COL5A1: variants seen among roughly 807,000 people sequenced by gnomAD.
The protein encoded by COL5A1 is collagen type V alpha 1 chain.
COL5A1 carries 16 observed loss-of-function variants against 263.7 expected under a neutral mutation model. The ratio of observed to expected loss-of-function variants is 0.06; its 90% confidence interval spans 0.04 to 0.09. COL5A1 has a LOEUF of 0.09. Among genes scored for constraint, COL5A1 ranks in the 10% least tolerant of loss-of-function variants. The probability of loss-of-function intolerance (pLI) is 1.00; values close to 1 mark genes in which losing one functional copy is unlikely to be tolerated. For missense variants in COL5A1, 2,036 were observed against 2,540.5 expected (o/e 0.80, Z 4.27); for synonymous variants, 1,012 against 1,004.5 (o/e 1.01, Z -0.14).
chr9:134,649,844 T>G (rs184678109), intron 1 of COL5A1, among the ~76,000 whole-genome samples: 50 of 152,292 alleles, frequency 3.3e-4, no homozygotes, highest in Non-Finnish European at 5.4e-4. Context: ...CATGGAATAC[T>G]ATGCAGCCAT....
intron 1 of COL5A1, among the ~76,000 whole-genome samples, chr9:134,688,079 G>A (rs886736305): frequency 6.6e-6 from 1 of 152,152 alleles, no homozygotes; most frequent in Non-Finnish European, 1.5e-5. Flanking sequence ...AGTACTTAAT[G>A]TTTTCCTCTG....
rs926616481 is a variant in COL5A1, at chr9:134,757,603, C to T, written c.1882-640C>T. On this transcript the variant is annotated intron_variant, in intron 17 of 65. Transcript: ENST00000371817. The surrounding 1 kb of genome is among the most constrained non-coding windows in gnomAD (Gnocchi z 6.2). ...GGTGGCCTGGGGTGACAGGAGGAAA[C>T]GCAGTCTTGTTGACTCTGTCTCAGA... Among the ~76,000 whole-genome samples, 22 of 152,126 alleles carry T rather than the reference C, an allele frequency of 1.4e-4. No individual in the cohort carries two copies. The highest frequency in any genetic ancestry group is 4.6e-4 in the African/African-American group (19 of 41,424).
At chr9:134,683,568 A>G (rs1216687284) in intron 1 of COL5A1, among the ~76,000 whole-genome samples, 1 of 152,238 alleles carries the variant, frequency 6.6e-6, no homozygotes, top group East Asian at 1.9e-4. Flanking sequence ...GTCTCTCTGC[A>G]TCCTCTTACA....
rs1833077249 is a variant in COL5A1, at chr9:134,686,285, G to A, written c.110-4627G>A. On this transcript the variant is annotated intron_variant, in intron 1 of 65. Coordinates refer to ENST00000371817, the MANE Select transcript of COL5A1 (RefSeq NM_000093.5). This position sits in a 1 kb window ranked among gnomAD's most constrained non-coding sequence, Gnocchi z 4.6. ...TTCCTTTTTTTCGAGACCAGGTTAT[G>A]CTCTGTCACCCAAGCTGGAGTGCAG... Among the ~76,000 whole-genome samples, 1 of 151,070 alleles carries A rather than the reference G, an allele frequency of 6.6e-6. No homozygotes were observed. The highest frequency in any genetic ancestry group is 2.1e-4 in the South Asian group (1 of 4,736).
intron 2 of COL5A1, among the ~76,000 whole-genome samples, 159 bp from the exon 3 acceptor site, chr9:134,699,750 G>A (rs780397358): frequency 1.3e-5 from 2 of 152,212 alleles, no homozygotes; most frequent in Admixed American, 6.5e-5. Flanking sequence ...GGCTGCAGGA[G>A]CAGTTTGATC....
chr9:134,668,954 CCCATCCATCCAT>C (rs760262319), intron 1 of COL5A1, among the ~76,000 whole-genome samples: 4 of 110,396 alleles, frequency 3.6e-5, no homozygotes, highest in East Asian at 2.7e-4. Context: ...CACCCACCCA[CCCATCCATCCAT>C]CCATCCATCC....
At chr9:134,669,485 G>C (rs1301087573) in intron 1 of COL5A1, among the ~76,000 whole-genome samples, 2 of 151,828 alleles carry the variant, frequency 1.3e-5, no homozygotes, top group African/African-American at 4.8e-5. Flanking sequence ...TTTGTGTTAG[G>C]GTGGTTTACG....
intron 25 of COL5A1, among the ~76,000 whole-genome samples, chr9:134,772,157 G>C (rs566802353): frequency 6.6e-6 from 1 of 152,262 alleles, no homozygotes; most frequent in East Asian, 1.9e-4. Context: ...TCTCAAACGA[G>C]GCAGCTGTTT....
intron 65 of COL5A1, among the ~76,000 whole-genome samples, chr9:134,838,295 C>T (rs1839912699): frequency 6.6e-6 from 1 of 152,200 alleles, no homozygotes; most frequent in Non-Finnish European, 1.5e-5. Flanking sequence ...ACACATCTCC[C>T]AGGGGCAAAA....
chr9:134,769,747 A>C (rs1022236857), intron 25 of COL5A1, among the ~76,000 whole-genome samples: 1 of 149,064 alleles, frequency 6.7e-6, no homozygotes, highest in Non-Finnish European at 1.5e-5. Context: ...CCTGGGTGTG[A>C]AGTGGGCTGT....
chr9:134,726,364 A>T (rs934490073), intron 4 of COL5A1, among the ~76,000 whole-genome samples: 11 of 151,438 alleles, frequency 7.3e-5, no homozygotes, highest in Non-Finnish European at 1.2e-4. Context: ...GGATGTATGT[A>T]TCTGGATGGA....
chr9:134,812,607 C>A lies in COL5A1; in HGVS notation c.3747C>A (p.Gly1249=). 1 of 1,601,744 alleles carries A rather than the reference C, an allele frequency of 6.2e-7. No individual in the cohort carries two copies. Among genetic ancestry groups the A allele is most frequent in the Non-Finnish European group, 8.5e-7 (1 of 1,172,096 alleles). ...KGETGDVGQM[G]PPGPPGPRGP... is the part of the protein sequence containing the mutation. ...CAGTGGTCTCTCCCTTTTCCTAGGGCCCCCCGGGTCCCCCTGGCCCCCGAG... is the reference window on the plus strand; with the variant it reads ...CAGTGGTCTCTCCCTTTTCCTAGGGACCCCCGGGTCCCCCTGGCCCCCGAG... Residue 1249 remains glycine (G), a splice_region_variant and synonymous_variant, in exon 48 of 66, where the codon GGC becomes GGA. Coordinates refer to ENST00000371817, the MANE Select transcript of COL5A1 (RefSeq NM_000093.5).
chr9:134,745,080 C>A (rs912387681), intron 11 of COL5A1, among the ~76,000 whole-genome samples: 2 of 152,344 alleles, frequency 1.3e-5, no homozygotes, highest in African/African-American at 4.8e-5. Flanking sequence ...ATCTTCAAAG[C>A]TTAGTCCCCT....
chr9:134,802,905 G>A lies in COL5A1; in HGVS notation c.3024G>A (p.Thr1008=), dbSNP rs767002656. ...CCCCACAGGGTCCCACGGGAGAAAC[G>A]GGCCCAATGGGTGAGCGTGGCCACC... ...VVGPQGPTGE[T]GPMGERGHPG... is the part of the protein sequence containing the mutation. The change falls in exon 39 of 66, where the codon ACG becomes ACA. Residue 1008 remains threonine, a synonymous_variant. Transcript: ENST00000371817. The A allele has an allele frequency of 1.9e-5, 30 of 1,612,036 alleles. No individual in the cohort carries two copies. Among genetic ancestry groups the A allele is most frequent in the African/African-American group, 6.7e-5 (5 of 74,902 alleles).
intron 48 of COL5A1, among the ~76,000 whole-genome samples, chr9:134,813,461 G>A (rs1456959600): frequency 6.6e-6 from 1 of 152,236 alleles, no homozygotes; most frequent in African/African-American, 2.4e-5. Flanking sequence ...AAATTAAAGA[G>A]GAATATGCCC....
At chr9:134,750,483 G>T in intron 11 of COL5A1, 59 bp from the exon 12 acceptor site, 1 of 1,518,364 alleles carries the variant, frequency 6.6e-7, no homozygotes, top group Non-Finnish European at 9.1e-7. Flanking sequence ...CATTCTCGCT[G>T]CAGCCCAGCC....
At chr9:134,767,462 G>T in intron 24 of COL5A1, 108 bp downstream of exon 24, 1 of 1,065,708 alleles carries the variant, frequency 9.4e-7, no homozygotes, top group Non-Finnish European at 1.4e-6. Context: ...TGTATATCTT[G>T]GTGCTCCCAA....
At chr9:134,759,709 CACACCCCCCCACCCCCACA>C (rs1564438549) in intron 18 of COL5A1, among the ~76,000 whole-genome samples, 7 of 93,494 alleles carry the variant, frequency 7.5e-5, no homozygotes, top group East Asian at 9.9e-4. Context: ...CACACATGCA[CACACCCCCCCACCCCCACA>C]CTCATACACA....
rs1312633501 is a variant in COL5A1, at chr9:134,796,859, A to G, written c.2856A>G (p.Gly952=). 1 of 1,613,854 alleles carries G rather than the reference A, an allele frequency of 6.2e-7. No homozygotes were observed. Among genetic ancestry groups the G allele is most frequent in the African/African-American group, 1.3e-5 (1 of 74,914 alleles). Residue 952 remains glycine, a synonymous_variant, in exon 36 of 66, where the codon GGA becomes GGG. Transcript: ENST00000371817. ...AGPPGERGPN[G]PQGPTGFPGP... ...TTCTCTGTTCCCAGGGACCCAATGG[A>G]CCCCAAGGACCCACAGGATTTCCTG...
Sources: allele counts gnomAD v4.1 joint callset (sites outside exome capture counted in the v4.1 genomes callset), GRCh38; gene constraint gnomAD v4.1.1; non-coding constraint Gnocchi (gnomAD v3.1); transcripts MANE v1.5; gene names NCBI Gene and HGNC (gene_info 2026-07-23, HGNC 2026-07-21).